IL1RL2: variants seen among roughly 807,000 people sequenced by gnomAD.
The protein encoded by IL1RL2 is interleukin-1 receptor-like 2.
A neutral mutation model predicts 66.8 loss-of-function variants in IL1RL2; 68 were observed. That is an observed-to-expected ratio of 1.02 (90% CI 0.84 to 1.25). The LOEUF is 1.25. Ranked by LOEUF, IL1RL2 falls within the 50% of genes most tolerant of loss-of-function variation. The pLI is 0.00. For missense variants in IL1RL2, 729 were observed against 709.3 expected, an observed-to-expected ratio of 1.03 and a Z score of -0.32; for synonymous variants, 305 against 264.6, an observed-to-expected ratio of 1.15 and a Z score of -1.48.
intron 3 of IL1RL2, among the ~76,000 whole-genome samples, chr2:102,189,799 C>G (rs1687072053): frequency 6.6e-6 from 1 of 152,084 alleles, no homozygotes; most frequent in Admixed American, 6.6e-5. Context: ...ATTATAGGCG[C>G]AAGCCACCAT....
intron 8 of IL1RL2, among the ~76,000 whole-genome samples, chr2:102,225,520 C>T (rs1690520186): frequency 6.6e-6 from 1 of 152,178 alleles, no homozygotes; most frequent in Non-Finnish European, 1.5e-5. Context: ...GAAGGTGCCC[C>T]ATGAACATAC....
chr2:102,206,946 G>T (rs1290978203), intron 5 of IL1RL2, among the ~76,000 whole-genome samples: 1 of 152,164 alleles, frequency 6.6e-6, no homozygotes, highest in Non-Finnish European at 1.5e-5. Context: ...TGAGCTGGCA[G>T]TCAAACCACA....
Position 102,191,941 on chromosome 2 carries a change from C to A in IL1RL2, c.310C>A (p.His104Asn). 6.2e-7 allele frequency: 1 copy of A among 1,609,278 alleles called. No homozygotes were observed. Among genetic ancestry groups the A allele is most frequent in the South Asian group, 1.1e-5 (1 of 90,266 alleles). The change falls in exon 4 of 12, where the codon CAT becomes AAT. Residue 104 changes from histidine to asparagine, a missense_variant. His to Asn is a moderately conservative substitution (Grantham distance 68). Transcript: ENST00000264257. ...GTCTTACAGGGGTAGAGACAGCTGT[C>A]ATAGAATACATGTAAACCTAACTGT... ...QCVIKGRDSC[H>N]RIHVNLTVFE...
intron 6 of IL1RL2, among the ~76,000 whole-genome samples, chr2:102,216,392 G>T (rs1466670426): frequency 6.6e-6 from 1 of 151,920 alleles, no homozygotes; most frequent in Non-Finnish European, 1.5e-5. Context: ...TTTTCCATTT[G>T]CATGGAATAT....
intron 4 of IL1RL2, among the ~76,000 whole-genome samples, chr2:102,193,268 T>A (rs1418261445): frequency 4.6e-5 from 7 of 152,338 alleles, no homozygotes; most frequent in African/African-American, 1.7e-4. Flanking sequence ...TGCCAGTGAA[T>A]GCATTCCTTT....
In IL1RL2 at chr2:102,192,088, A is replaced by G. The variant is rs1687278613; in HGVS notation, c.457A>G (p.Ser153Gly). 6.2e-7 allele frequency: 1 copy of G among 1,600,036 alleles called. No individual in the cohort carries two copies. The highest frequency in any genetic ancestry group is 1.1e-5 in the South Asian group (1 of 87,820). The change falls in exon 4 of 12, where the codon AGT becomes GGT. Residue 153 changes from serine to glycine, a missense_variant. By Grantham distance (56) the Ser-to-Gly change is moderately conservative. Transcript: ENST00000264257. ...CACATGTCATCTGCACTTCCCGAAG[A>G]GTTGTGTTTTGGGTCCAATAAAGTG... is the stretch of plus-strand genomic sequence containing the variant. ...SLTCHLHFPK[S>G]CVLGPIKWYK...
At chr2:102,187,222 A>T in intron 1 of IL1RL2, 136 bp downstream of exon 1, 1 of 1,206,730 alleles carries the variant, frequency 8.3e-7, no homozygotes, top group Non-Finnish European at 1.1e-6. Context: ...CCGGCCCCCG[A>T]CCGGCTAGGT....
chr2:102,235,967 C>A, intron 11 of IL1RL2: 2 of 983,566 alleles, frequency 2.0e-6, no homozygotes, highest in Non-Finnish European at 2.4e-6. Flanking sequence ...AGCAGGAATT[C>A]CTTTTCTCTC....
intron 8 of IL1RL2, among the ~76,000 whole-genome samples, chr2:102,224,873 A>AT (rs929133103): frequency 1.3e-5 from 2 of 152,092 alleles, no homozygotes; most frequent in Admixed American, 6.6e-5. Context: ...TACCTATAAA[A>AT]TTTTTTTAAA....
intron 5 of IL1RL2, among the ~76,000 whole-genome samples, chr2:102,202,891 C>T (rs1002040803): frequency 2.6e-5 from 4 of 152,158 alleles, no homozygotes; most frequent in African/African-American, 9.7e-5. Context: ...TGTCTGATTT[C>T]TCTAGCTAGG....
At chr2:102,219,739 GGCCAGTCA>G in intron 7 of IL1RL2, 134 bp from the exon 8 acceptor site, 1 of 722,228 alleles carries the variant, frequency 1.4e-6, no homozygotes, top group Non-Finnish European at 2.2e-6. Flanking sequence ...AACCTCACTG[GGCCAGTCA>G]GCAAAGTATT....
chr2:102,210,415 A>G (rs1034305542), intron 5 of IL1RL2, among the ~76,000 whole-genome samples: 3 of 152,138 alleles, frequency 2.0e-5, no homozygotes, highest in Non-Finnish European at 4.4e-5. Flanking sequence ...AAAGCAGGAG[A>G]GTAGCATGAG....
At chr2:102,214,042 T>C (rs1689403368) in intron 6 of IL1RL2, among the ~76,000 whole-genome samples, 2 of 152,196 alleles carry the variant, frequency 1.3e-5, no homozygotes, top group African/African-American at 4.8e-5. Flanking sequence ...CTTTTAAACT[T>C]TCAAGGAAAT....
intron 3 of IL1RL2, among the ~76,000 whole-genome samples, chr2:102,190,578 G>T (rs1178227966): frequency 6.6e-6 from 1 of 152,230 alleles, no homozygotes; most frequent in African/African-American, 2.4e-5. Flanking sequence ...CTAAACACCA[G>T]ACAGACTAAA....
intron 9 of IL1RL2, among the ~76,000 whole-genome samples, chr2:102,230,139 A>G (rs1690991035): frequency 6.6e-6 from 1 of 152,154 alleles, no homozygotes; most frequent in African/African-American, 2.4e-5. Flanking sequence ...CCGAGCATCA[A>G]CTCACCCAGC....
intron 9 of IL1RL2, among the ~76,000 whole-genome samples, chr2:102,226,703 C>A (rs1372658983): frequency 6.8e-6 from 1 of 147,922 alleles, no homozygotes; most frequent in Non-Finnish European, 1.5e-5. Flanking sequence ...GGAGGGAAAA[C>A]GGAGGGAAGA....
At chr2:102,213,134 C>T (rs1234501848) in intron 6 of IL1RL2, among the ~76,000 whole-genome samples, 1 of 152,082 alleles carries the variant, frequency 6.6e-6, no homozygotes. Context: ...CTCAGAAATA[C>T]AATACAACAA....
chr2:102,205,516 G>A (rs1442312140), intron 5 of IL1RL2, among the ~76,000 whole-genome samples: 2 of 152,094 alleles, frequency 1.3e-5, no homozygotes, highest in African/African-American at 4.8e-5. Flanking sequence ...TTATTTTTGT[G>A]GATATGCTAT....
intron 11 of IL1RL2, chr2:102,236,066 C>A: frequency 1.9e-6 from 1 of 530,624 alleles, no homozygotes; most frequent in South Asian, 8.0e-5. Flanking sequence ...CCAAGCAAGG[C>A]AAAGTCAGTT....
Sources: gnomAD v4.1 joint callset for allele counts (sites outside exome capture counted in the v4.1 genomes callset) on GRCh38, gnomAD v4.1.1 for gene constraint, MANE v1.5 for transcripts, NCBI Gene and HGNC (gene_info 2026-07-23, HGNC 2026-07-21) for gene names.